JAKMIP2: variants seen among roughly 807,000 people sequenced by gnomAD.
JAKMIP2 encodes janus kinase and microtubule-interacting protein 2.
A neutral mutation model predicts 115.0 loss-of-function variants in JAKMIP2; 25 were observed. The ratio of observed to expected loss-of-function variants is 0.22; its 90% CI spans 0.16 to 0.30. JAKMIP2 has a LOEUF of 0.30. Ranked by LOEUF, JAKMIP2 falls within the 10% of genes least tolerant of loss-of-function variation. The pLI is 1.00. For missense variants in JAKMIP2, 642 were observed against 957.6 expected (o/e 0.67, Z 4.35); for synonymous variants, 334 against 343.6 (o/e 0.97, Z 0.31).
At chr5:147,780,336 T>G (rs558509800) in intron 1 of JAKMIP2, among the ~76,000 whole-genome samples, 2 of 152,176 alleles carry the variant, frequency 1.3e-5, no homozygotes, top group African/African-American at 4.8e-5. Context: ...CTGTACCAAC[T>G]TTGCCTATAA....
intron 7 of JAKMIP2, among the ~76,000 whole-genome samples, chr5:147,642,706 A>G (rs1757937246): frequency 6.6e-6 from 1 of 151,542 alleles, no homozygotes; most frequent in Non-Finnish European, 1.5e-5. Context: ...GCCTCTATAT[A>G]TGAGACTTTT....
chr5:147,709,564 T>A (rs1752704544), intron 1 of JAKMIP2, among the ~76,000 whole-genome samples: 1 of 152,126 alleles, frequency 6.6e-6, no homozygotes. Flanking sequence ...AAAAATATCA[T>A]TCTAGGCCGG....
intron 1 of JAKMIP2, among the ~76,000 whole-genome samples, chr5:147,762,144 T>TA (rs1754949979): frequency 1.3e-5 from 2 of 152,064 alleles, no homozygotes; most frequent in African/African-American, 2.4e-5. Context: ...CTTTGACACT[T>TA]ACATATATGC....
At chr5:147,701,800 ATGTGCT>A (rs1482010699) in intron 1 of JAKMIP2, among the ~76,000 whole-genome samples, 1 of 152,134 alleles carries the variant, frequency 6.6e-6, no homozygotes, top group Non-Finnish European at 1.5e-5. Context: ...AAGACACCAA[ATGTGCT>A]GGTGCCTTGA....
At chr5:147,671,561 T>C (rs1053408077) in intron 2 of JAKMIP2, 117 bp downstream of exon 2, 2 of 832,696 alleles carry the variant, frequency 2.4e-6, no homozygotes, top group Admixed American at 3.8e-5. Context: ...GACGTTGCCC[T>C]CTCTGGCAAA....
In JAKMIP2 at chr5:147,648,469, C is replaced by A. The variant is rs199810705; in HGVS notation, c.843G>T (p.Leu281Phe). ...DGSEHCSSPDLRRNQKRIAEL... is the reference protein window; with the variant it reads ...DGSEHCSSPDFRRNQKRIAEL... ...CAGCTATTCTCTTTTGATTTCTTCG[C>A]AAATCCTACAAAGAAAAATTAAAAT... Residue 281 changes from leucine (L) to phenylalanine (F), a missense_variant, in exon 5 of 22, where the codon TTG (leucine) becomes TTT (phenylalanine). By Grantham distance (22) the Leu-to-Phe change is conservative (BLOSUM62 0). Around this residue, in one of 6 missense-constraint regions of JAKMIP2, gnomAD observed 439 missense variants for 570.9 expected, o/e 0.77. Transcript: ENST00000616793. 7.0e-5 allele frequency: 110 copies of A among 1,570,622 alleles called. No individual in the cohort carries two copies. In the Middle Eastern group the frequency reaches 1.3e-3, roughly 19 times the overall value.
chr5:147,631,350 C>A (rs989176574), intron 14 of JAKMIP2, 63 bp downstream of exon 14: 12 of 978,500 alleles, frequency 1.2e-5, no homozygotes, highest in Non-Finnish European at 1.9e-5. Flanking sequence ...TAAGTAACCT[C>A]CCCTTTTCCA....
At chr5:147,614,038 C>T (rs751980836) in intron 19 of JAKMIP2, among the ~76,000 whole-genome samples, 10 of 152,150 alleles carry the variant, frequency 6.6e-5, no homozygotes, top group Non-Finnish European at 1.0e-4. Context: ...TGAGTGTTCA[C>T]GTAATTCCTT....
chr5:147,665,202 A>C (rs544028056), intron 2 of JAKMIP2, among the ~76,000 whole-genome samples: 1 of 152,312 alleles, frequency 6.6e-6, no homozygotes, highest in East Asian at 1.9e-4. Flanking sequence ...AGCCATGCCC[A>C]TTCATTTACA....
intron 12 of JAKMIP2, among the ~76,000 whole-genome samples, chr5:147,635,919 G>GTGTA (rs1757595140): frequency 6.6e-6 from 1 of 152,112 alleles, no homozygotes; most frequent in Non-Finnish European, 1.5e-5. Context: ...GTGTGTGTGC[G>GTGTA]TGTATGTATA....
chr5:147,603,143 G>A (rs1755801122), intron 20 of JAKMIP2, among the ~76,000 whole-genome samples: 2 of 152,164 alleles, frequency 1.3e-5, no homozygotes, highest in Admixed American at 6.5e-5. Flanking sequence ...TCCCTGCCGT[G>A]TGGTGGGCAG....
intron 21 of JAKMIP2, among the ~76,000 whole-genome samples, chr5:147,594,825 C>T (rs976984649): frequency 1.3e-5 from 2 of 152,092 alleles, no homozygotes; most frequent in African/African-American, 4.8e-5. Context: ...ATATTACCTC[C>T]ACAATACAGA....
intron 1 of JAKMIP2, among the ~76,000 whole-genome samples, chr5:147,745,556 G>T (rs901524654): frequency 1.3e-5 from 2 of 152,094 alleles, no homozygotes; most frequent in Non-Finnish European, 2.9e-5. Flanking sequence ...TGGAGGTTTT[G>T]GTTCTGATAT....
At chr5:147,684,512 G>C (rs1372293929) in intron 1 of JAKMIP2, among the ~76,000 whole-genome samples, 2 of 152,154 alleles carry the variant, frequency 1.3e-5, no homozygotes, top group Non-Finnish European at 2.9e-5. Flanking sequence ...GGGTGAATAG[G>C]AGGGATTGAG....
chr5:147,594,276 C>A, intron 21 of JAKMIP2: 1 of 273,880 alleles, frequency 3.7e-6, no homozygotes, highest in South Asian at 3.5e-5. Context: ...TTAGTTTCCT[C>A]ATCTGTGGAA....
At chr5:147,653,407 C>G (rs1758509504) in intron 3 of JAKMIP2, among the ~76,000 whole-genome samples, 1 of 152,118 alleles carries the variant, frequency 6.6e-6, no homozygotes, top group African/African-American at 2.4e-5. Context: ...GCCATTCTGA[C>G]TAGTGTGGGA....
chr5:147,622,183 T>G (rs1220449916), intron 17 of JAKMIP2, among the ~76,000 whole-genome samples: 1 of 152,234 alleles, frequency 6.6e-6, no homozygotes, highest in Non-Finnish European at 1.5e-5. Flanking sequence ...TGTTATAAAT[T>G]TCTATGCATT....
chr5:147,735,349 T>G (rs1386676669), intron 1 of JAKMIP2, among the ~76,000 whole-genome samples: 11 of 152,162 alleles, frequency 7.2e-5, no homozygotes, highest in Admixed American at 7.2e-4. Context: ...TACCCAAGAC[T>G]GGGTAGTTTA....
chr5:147,597,962 T>C (rs1755480488), intron 21 of JAKMIP2, among the ~76,000 whole-genome samples: 1 of 147,392 alleles, frequency 6.8e-6, no homozygotes, highest in African/African-American at 2.7e-5. Context: ...GTTACACCTC[T>C]GGCTTCCTTG....
Sources: allele counts gnomAD v4.1 joint callset (sites outside exome capture counted in the v4.1 genomes callset), GRCh38; gene constraint gnomAD v4.1.1; regional missense constraint gnomAD v4.1.1; transcripts MANE v1.5; gene names NCBI Gene and HGNC (gene_info 2026-07-23, HGNC 2026-07-21).